Variants in URB1 observed in about 807,000 individuals in gnomAD.
URB1 encodes nucleolar pre-ribosomal-associated protein 1.
Under a neutral mutation model 242.3 loss-of-function variants are expected in URB1, and 197 were observed. The observed-to-expected ratio is 0.81, with a 90% confidence interval of 0.72 to 0.91. URB1 has a LOEUF of 0.91. Among genes scored for constraint, URB1 ranks in the 40% least tolerant of loss-of-function variants. The pLI is 0.00. For synonymous variants in URB1, 1,153 were observed against 1,201.8 expected (o/e 0.96, Z 0.84); for missense variants, 2,721 against 2,860.5 (o/e 0.95, Z 1.11).
intron 25 of URB1, among the ~76,000 whole-genome samples, chr21:32,340,037 A>C (rs1289032539): frequency 6.6e-6 from 1 of 152,224 alleles, no homozygotes; most frequent in African/African-American, 2.4e-5. Context: ...GCTCTAAAGA[A>C]AGTGTTTTTC....
At chr21:32,342,167 GTC>G (rs2033037936) in intron 24 of URB1, among the ~76,000 whole-genome samples, 1 of 151,844 alleles carries the variant, frequency 6.6e-6, no homozygotes, top group Admixed American at 6.5e-5. Context: ...TTTTTCCTTT[GTC>G]TATCATTTCA....
chr21:32,339,044 G>A lies in URB1; in HGVS notation c.4317-144C>T, dbSNP rs948383766. 6 of 903,440 alleles carry A rather than the reference G, an allele frequency of 6.6e-6. No individual in the cohort carries two copies. In the African/African-American group the frequency reaches 8.4e-5, roughly 13 times the overall value. The allele number at this position is 903,440 out of a possible 1,614,324, so 56.0% of individuals were successfully genotyped here. A position where few individuals can be genotyped will look rare whatever the true frequency, so the allele number is the denominator to read the frequency against. ...CTCATTCATTCTATTGCCCAGGCTG[G>A]AGTACAGTGGTGCAATCTCAGCTCA... On this transcript the variant is annotated intron_variant, in intron 25 of 38. Coordinates refer to ENST00000382751, the MANE Select transcript of URB1 (RefSeq NM_014825.3).
In URB1 at chr21:32,319,390, A is replaced by G. The variant is rs1406593209; in HGVS notation, c.5619T>C (p.Ser1873=). Residue 1873 remains serine, a synonymous_variant, in exon 36 of 39, where the codon TCT becomes TCC. Coordinates refer to ENST00000382751, the MANE Select transcript of URB1 (RefSeq NM_014825.3). Reference sequence around the variant, plus strand: ...GTGTGTGTAGCAAGGAGATCACATTAGACAGCAGCGGAGTCTCCAGAAACC... The same window carrying G: ...GTGTGTGTAGCAAGGAGATCACATTGGACAGCAGCGGAGTCTCCAGAAACC... ...ESKFLETPLL[S]NVISLLHTLW... is the part of the protein sequence containing the mutation. 2 of 1,537,040 alleles carry G rather than the reference A, an allele frequency of 1.3e-6. No homozygotes were observed. The highest frequency in any genetic ancestry group is 2.8e-5 in the African/African-American group (2 of 72,272).
chr21:32,384,037 A>G (rs1460552555), intron 3 of URB1, among the ~76,000 whole-genome samples: 1 of 152,220 alleles, frequency 6.6e-6, no homozygotes, highest in Non-Finnish European at 1.5e-5. Flanking sequence ...TGCCACATGC[A>G]CCTATAGGAT....
Position 32,360,544 on chromosome 21 carries a change from T to C in URB1, c.1756+463A>G, listed in dbSNP as rs561781696. ...AAAGTGGATCAGACAAACTTTACCATCCAGGAAACATGACCAGACAAGCAT... is the reference window on the plus strand; with the variant it reads ...AAAGTGGATCAGACAAACTTTACCACCCAGGAAACATGACCAGACAAGCAT... On this transcript the variant is annotated intron_variant, in intron 13 of 38. Transcript: ENST00000382751. 2.0e-5 allele frequency among the ~76,000 whole-genome samples: 3 copies of C among 152,208 alleles called. No individual in the cohort carries two copies. In the East Asian group the frequency reaches 5.8e-4, roughly 29 times the overall value.
In URB1 at chr21:32,392,881, G is replaced by A. The variant is rs1295399469; in HGVS notation, c.30C>T (p.Gly10=). The change falls in exon 1 of 39, where the codon GGC becomes GGT. Residue 10 remains glycine, a synonymous_variant. Coordinates refer to ENST00000382751, the MANE Select transcript of URB1 (RefSeq NM_014825.3). MGVPKRKAS[G]GQDGAASSAG... is the part of the protein sequence containing the mutation. Reference sequence around the variant, plus strand: ...CGGAGGAAGCCGCGCCGTCCTGGCCGCCCGAGGCCTTCCTCTTGGGGACCC... The same window carrying A: ...CGGAGGAAGCCGCGCCGTCCTGGCCACCCGAGGCCTTCCTCTTGGGGACCC... 9 of 1,529,932 alleles carry A rather than the reference G, an allele frequency of 5.9e-6. No individual in the cohort carries two copies. In the East Asian group the frequency reaches 9.9e-5, roughly 17 times the overall value. The allele number at this position is 1,529,932 out of a possible 1,614,324, so 94.8% of individuals were successfully genotyped here. A position where few individuals can be genotyped will look rare whatever the true frequency, so the allele number is the denominator to read the frequency against.
Position 32,392,933 on chromosome 21 carries a change from C to T in URB1, c.-23G>A. ...CATGGCCGAGAGGGCGGAAGCGCGACGGAAACGACACACCTGAGGGGACCC... is the reference window on the plus strand; with the variant it reads ...CATGGCCGAGAGGGCGGAAGCGCGATGGAAACGACACACCTGAGGGGACCC... On this transcript the variant is annotated 5_prime_UTR_variant, in exon 1 of 39. Transcript: ENST00000382751. 6.7e-7 allele frequency: 1 copy of T among 1,492,918 alleles called. No homozygotes were observed. Among genetic ancestry groups the T allele is most frequent in the Non-Finnish European group, 8.9e-7 (1 of 1,121,800 alleles). 92.5% of individuals were successfully genotyped at this position (1,492,918 alleles called of 1,614,324 possible). A position where few individuals can be genotyped will look rare whatever the true frequency, so the allele number is the denominator to read the frequency against.
intron 14 of URB1, 21 bp from the exon 15 acceptor site, chr21:32,357,677 C>T (rs990092037): frequency 1.1e-5 from 15 of 1,411,022 alleles, no homozygotes; most frequent in African/African-American, 7.6e-5. Flanking sequence ...AACAATATTA[C>T]GTATTTTTAG....
intron 20 of URB1, 107 bp from the exon 21 acceptor site, chr21:32,349,590 G>T: frequency 8.6e-7 from 1 of 1,164,690 alleles, no homozygotes; most frequent in Non-Finnish European, 1.2e-6. Context: ...CGGGAGGCAG[G>T]CTGAGATGGC....
Position 32,325,371 on chromosome 21 carries a change from C to T in URB1, c.4979G>A (p.Arg1660Gln), listed in dbSNP as rs1041359881. 1.9e-5 allele frequency: 30 copies of T among 1,550,652 alleles called. 1 individual carries two copies. Among genetic ancestry groups the T allele is most frequent in the East Asian group, 1.7e-4 (7 of 40,880 alleles). The change falls in exon 31 of 39, where the codon CGA becomes CAA. Residue 1660 changes from arginine (R) to glutamine (Q), a missense_variant. By Grantham distance (43) the Arg-to-Gln change is conservative. Transcript: ENST00000382751. ...LTRPEFVVDC[R>Q]KFLDSNALGL... ...CAGAGCATTTGAATCCAAAAATTTT[C>T]GACAATCCACCACAAACTCTGCAGG... is the stretch of plus-strand genomic sequence containing the variant.
At chr21:32,372,474 C>A in intron 8 of URB1, 33 bp downstream of exon 8, 1 of 1,545,762 alleles carries the variant, frequency 6.5e-7, no homozygotes. Flanking sequence ...GGAACATACA[C>A]ACCCTGGGGT....
At chr21:32,347,856 C>A in intron 21 of URB1, 45 bp from the exon 22 acceptor site, 1 of 1,487,228 alleles carries the variant, frequency 6.7e-7, no homozygotes, top group Non-Finnish European at 8.9e-7. Flanking sequence ...GAGCACAGGG[C>A]TAAGACAGGG....
At chr21:32,368,131 G>A (rs747425948) in intron 9 of URB1, among the ~76,000 whole-genome samples, 11 of 152,048 alleles carry the variant, frequency 7.2e-5, no homozygotes, top group Non-Finnish European at 1.0e-4. Flanking sequence ...GCAGTGGCGC[G>A]ATCTCAGCTC....
chr21:32,328,924 A>G (rs992052751), intron 30 of URB1, among the ~76,000 whole-genome samples: 1 of 152,162 alleles, frequency 6.6e-6, no homozygotes, highest in African/African-American at 2.4e-5. Flanking sequence ...AGACCTTCAG[A>G]TCAAAATGGC....
intron 23 of URB1, 52 bp downstream of exon 23, chr21:32,345,322 A>T: frequency 2.0e-6 from 3 of 1,528,016 alleles, no homozygotes; most frequent in Non-Finnish European, 2.7e-6. Context: ...TGAATTAAAA[A>T]AAAAATGACA....
At chr21:32,363,013 C>T in intron 11 of URB1, 143 bp downstream of exon 11, 1 of 1,044,676 alleles carries the variant, frequency 9.6e-7, no homozygotes, top group Non-Finnish European at 1.3e-6. Flanking sequence ...ACCCTCAGCA[C>T]CCACGCTACC....
Position 32,357,591 on chromosome 21 carries a change from A to C in URB1, c.1935T>G (p.Phe645Leu). Residue 645 changes from phenylalanine to leucine, a missense_variant, in exon 15 of 39, where the codon TTT becomes TTG. Coordinates refer to ENST00000382751, the MANE Select transcript of URB1 (RefSeq NM_014825.3). The stretch of plus-strand genomic sequence containing the variant: ...TCAGTTGTAAATGGCTACTGGTCAC[A>C]AACATTTTCATTAGTAAGTAAAATA... ...RSVFYLLMKM[F>L]VTSSHLQLKS... 1 of 1,536,978 alleles carries C rather than the reference A, an allele frequency of 6.5e-7. No homozygotes were observed. Among genetic ancestry groups the C allele is most frequent in the Non-Finnish European group, 8.8e-7 (1 of 1,142,608 alleles).
rs1340465557 is a variant in URB1 at position 32,325,302 on chromosome 21, C to T, written c.5048G>A (p.Arg1683Gln). The T allele has an allele frequency of 3.9e-6, 6 of 1,551,618 alleles. No individual in the cohort carries two copies. In the East Asian group the frequency reaches 1.2e-4, roughly 32 times the overall value. ...TALSSYDPQM[R>Q]AIAYHVLAAY... ...CGCCAGGACATGGTAGGCTATGGCT[C>T]GCATCTGGGGGTCATAGCTGCTGAG... Residue 1683 changes from arginine to glutamine, a missense_variant, in exon 31 of 39, where the codon CGA becomes CAA. By Grantham distance (43) the Arg-to-Gln change is conservative. Coordinates refer to ENST00000382751, the MANE Select transcript of URB1 (RefSeq NM_014825.3).
At position 32,324,555 on chromosome 21, in the gene URB1, G is replaced by A. The variant is rs1393614110; in HGVS notation, c.5169C>T (p.Asp1723=). 5 of 1,551,844 alleles carry A rather than the reference G, an allele frequency of 3.2e-6. No individual in the cohort carries two copies. Among genetic ancestry groups the A allele is most frequent in the Non-Finnish European group, 3.5e-6 (4 of 1,147,022 alleles). ...DVVRNGIRTQ[D]MRLTFTLALF... Reference sequence around the variant, plus strand: ...GAGCCAAGGTAAAAGTAAGTCTCATGTCCTGAGTTCGAATCCCATTCCGGA... The same window carrying A: ...GAGCCAAGGTAAAAGTAAGTCTCATATCCTGAGTTCGAATCCCATTCCGGA... Residue 1723 remains aspartate (D), a synonymous_variant, in exon 32 of 39, where the codon GAC becomes GAT. Coordinates refer to ENST00000382751, the MANE Select transcript of URB1 (RefSeq NM_014825.3).
Sources: gnomAD v4.1 joint callset for allele counts (sites outside exome capture counted in the v4.1 genomes callset) on GRCh38, gnomAD v4.1.1 for gene constraint, MANE v1.5 for transcripts, NCBI Gene and HGNC (gene_info 2026-07-23, HGNC 2026-07-21) for gene names.